Variants in RIMS2 observed in about 807,000 individuals in gnomAD.
RIMS2 encodes the protein regulating synaptic membrane exocytosis 2.
RIMS2 carries 59 observed loss-of-function variants against 174.4 expected under a neutral mutation model. The observed-to-expected ratio is 0.34, with a 90% CI of 0.27 to 0.42. RIMS2 has a LOEUF of 0.42. Ranked by LOEUF, RIMS2 falls within the 10% of genes least tolerant of loss-of-function variation. The pLI is 1.00. For synonymous variants in RIMS2, 606 were observed against 572.5 expected (o/e 1.06, Z -0.84); for missense variants, 1,620 against 1,666.3 (o/e 0.97, Z 0.48).
intron 2 of RIMS2, among the ~76,000 whole-genome samples, chr8:103,758,844 G>A (rs2098068224): frequency 6.6e-6 from 1 of 152,140 alleles, no homozygotes; most frequent in Non-Finnish European, 1.5e-5. Context: ...AATAGAGTTT[G>A]GGAAAAGTAA....
intron 1 of RIMS2, among the ~76,000 whole-genome samples, chr8:103,586,988 C>G (rs910376758): frequency 6.6e-6 from 1 of 151,906 alleles, no homozygotes; most frequent in South Asian, 2.1e-4. Flanking sequence ...TCAATAATAA[C>G]ATTGAATGTA....
intron 3 of RIMS2, among the ~76,000 whole-genome samples, chr8:103,806,054 G>GATAT (rs1275801252): frequency 1.3e-5 from 2 of 151,994 alleles, no homozygotes; most frequent in Non-Finnish European, 2.9e-5. Flanking sequence ...AAAGTTTTGA[G>GATAT]ATATAACTTA....
At chr8:103,785,980 C>A (rs1203930295) in intron 3 of RIMS2, among the ~76,000 whole-genome samples, 1 of 152,302 alleles carries the variant, frequency 6.6e-6, no homozygotes, top group East Asian at 1.9e-4. Flanking sequence ...GATTCAACTT[C>A]TTCCTGGTTT....
chr8:103,563,076 G>A (rs1375120955), intron 1 of RIMS2, among the ~76,000 whole-genome samples: 2 of 152,190 alleles, frequency 1.3e-5, no homozygotes, highest in Non-Finnish European at 2.9e-5. Flanking sequence ...CCAGGCCTGT[G>A]ATGGGAGGGG....
At chr8:103,936,594 G>A in exon 13 of RIMS2, 1 of 1,600,972 alleles carries the variant, frequency 6.2e-7, no homozygotes, top group Non-Finnish European at 8.5e-7. Context: ...GAAAACATTG[G>A]AACCCAAATG....
chr8:104,009,458 A>G (rs2095688519), intron 17 of RIMS2, among the ~76,000 whole-genome samples: 1 of 151,486 alleles, frequency 6.6e-6, no homozygotes, highest in South Asian at 2.1e-4. Flanking sequence ...CACACCCGCT[A>G]TTTTTTATTT....
chr8:103,685,445 C>T (rs1470720256), intron 1 of RIMS2, among the ~76,000 whole-genome samples: 1 of 152,094 alleles, frequency 6.6e-6, no homozygotes, highest in Non-Finnish European at 1.5e-5. Context: ...ATGAGGGATC[C>T]ACCCCCATGA....
chr8:103,652,125 C>A, intron 1 of RIMS2, 80 bp from the exon 2 acceptor site: 2 of 640,578 alleles, frequency 3.1e-6, no homozygotes, highest in Non-Finnish European at 4.8e-6. Flanking sequence ...TTTTGGTGTC[C>A]ATTTTATATG....
At chr8:103,824,260 G>GT (rs1488794255) in intron 3 of RIMS2, among the ~76,000 whole-genome samples, 12 of 152,110 alleles carry the variant, frequency 7.9e-5, no homozygotes, top group African/African-American at 2.7e-4. Flanking sequence ...ATCAACTTCT[G>GT]TATGATCATA....
chr8:103,522,782 T>C (rs753954896), intron 1 of RIMS2, among the ~76,000 whole-genome samples: 31 of 152,200 alleles, frequency 2.0e-4, no homozygotes, highest in Non-Finnish European at 4.0e-4. Context: ...GATATTTACT[T>C]ACCAGTTAAG....
chr8:103,767,370 T>C (rs2154424929), intron 3 of RIMS2, among the ~76,000 whole-genome samples: 1 of 152,158 alleles, frequency 6.6e-6, no homozygotes, highest in South Asian at 2.1e-4. Flanking sequence ...AGTACTTTAG[T>C]AGAGGCGGGG....
intron 19 of RIMS2, among the ~76,000 whole-genome samples, chr8:104,225,203 T>C (rs2099179032): frequency 6.6e-6 from 1 of 152,188 alleles, no homozygotes; most frequent in African/African-American, 2.4e-5. Context: ...AGTACTTTTG[T>C]TATCCTCATT....
At chr8:104,073,069 A>G (rs1469169622) in intron 19 of RIMS2, among the ~76,000 whole-genome samples, 1 of 152,176 alleles carries the variant, frequency 6.6e-6, no homozygotes, top group Non-Finnish European at 1.5e-5. Flanking sequence ...TTTTTTCTAT[A>G]AAATCAACTT....
chr8:103,725,017 G>A (rs2097508980), intron 2 of RIMS2, among the ~76,000 whole-genome samples: 1 of 152,142 alleles, frequency 6.6e-6, no homozygotes. Context: ...TCAAAAATAT[G>A]AGAAGGGACT....
At chr8:103,724,736 A>AT (rs576407546) in intron 2 of RIMS2, among the ~76,000 whole-genome samples, 131 of 152,252 alleles carry the variant, frequency 8.6e-4, no homozygotes, top group Non-Finnish European at 1.5e-3. Flanking sequence ...TGAGTAACCT[A>AT]TTTTTTATCC....
chr8:104,094,031 A>G (rs2097710417), intron 19 of RIMS2, among the ~76,000 whole-genome samples: 1 of 151,954 alleles, frequency 6.6e-6, no homozygotes, highest in African/African-American at 2.4e-5. Flanking sequence ...TTACTTTTTC[A>G]GTAGGATGCT....
At chr8:103,607,428 C>G (rs926475811) in intron 1 of RIMS2, among the ~76,000 whole-genome samples, 8 of 151,790 alleles carry the variant, frequency 5.3e-5, no homozygotes, top group Non-Finnish European at 5.9e-5. Flanking sequence ...TCTGGCTGCC[C>G]TTAACATTTT....
chr8:103,865,238 A>C (rs142589120), intron 3 of RIMS2, among the ~76,000 whole-genome samples: 1,528 of 151,428 alleles, frequency 0.01, 30 homozygotes, highest in African/African-American at 0.035. Context: ...TTTAATGAGA[A>C]ATTTGAGTTT....
At chr8:103,552,472 G>A (rs937693329) in intron 1 of RIMS2, among the ~76,000 whole-genome samples, 5 of 152,124 alleles carry the variant, frequency 3.3e-5, no homozygotes, top group Non-Finnish European at 5.9e-5. Context: ...AGACTTAAAT[G>A]TTAGACCTAA....
Sources: allele counts gnomAD v4.1 joint callset (sites outside exome capture counted in the v4.1 genomes callset), GRCh38; gene constraint gnomAD v4.1.1; transcripts MANE v1.5; gene names NCBI Gene and HGNC (gene_info 2026-07-23, HGNC 2026-07-21).